Variants in PRH1 observed in about 807,000 individuals in gnomAD.
The protein encoded by PRH1 is proline rich protein HaeIII subfamily 1.
Under a neutral mutation model 7.9 loss-of-function variants are expected in PRH1, and 7 were observed. The ratio of observed to expected loss-of-function variants is 0.89; its 90% CI spans 0.50 to 1.67. PRH1 has a LOEUF of 1.67. Among genes scored for constraint, PRH1 ranks in the 40% most tolerant of loss-of-function variants. The probability of loss-of-function intolerance (pLI) is 0.00; values close to 1 mark genes in which losing one functional copy is unlikely to be tolerated. For missense variants in PRH1, 109 were observed against 223.6 expected (o/e 0.49, Z 3.27); for synonymous variants, 45 against 80.8 (o/e 0.56, Z 2.38).
chr12:11,037,254 T>C (rs1461558487), intron 1 of PRH1, among the ~76,000 whole-genome samples: 1 of 152,238 alleles, frequency 6.6e-6, no homozygotes, highest in Non-Finnish European at 1.5e-5. Flanking sequence ...TTGCAAATGC[T>C]TTTTCCCCTT....
chr12:11,010,561 T>C (rs1941020108), intron 1 of PRH1, among the ~76,000 whole-genome samples: 1 of 151,924 alleles, frequency 6.6e-6, no homozygotes, highest in Non-Finnish European at 1.5e-5. Context: ...CATTCTAAAG[T>C]GTGGTACAAT....
intron 2 of PRH1, among the ~76,000 whole-genome samples, chr12:10,942,131 G>A (rs1054808656): frequency 6.6e-6 from 1 of 152,082 alleles, no homozygotes; most frequent in African/African-American, 2.4e-5. Flanking sequence ...GTGGCAGGGG[G>A]GTGAAATGGA....
At position 11,096,886 on chromosome 12, in the gene PRH1, C is replaced by A. The variant is rs1164470338; in HGVS notation, n.124-49698G>T. Among the ~76,000 whole-genome samples, 3 of 114,122 alleles carry A rather than the reference C, an allele frequency of 2.6e-5. 1 individual carries two copies. The highest frequency in any genetic ancestry group is 6.2e-5 in the Non-Finnish European group (3 of 48,506). The allele number at this position is 114,122 out of a possible 152,430, so 74.9% of individuals were successfully genotyped here. ...GATCTCGGCTCACTGCAAGCTCTGTCCCCGGGGTTCACGCCATTCTCCTGC... is the reference window on the plus strand; with the variant it reads ...GATCTCGGCTCACTGCAAGCTCTGTACCCGGGGTTCACGCCATTCTCCTGC... On this transcript the variant is annotated intron_variant and non_coding_transcript_variant, in intron 1 of 4. Coordinates refer to the PRH1 transcript ENST00000541977.
At position 11,170,266 on chromosome 12, in the gene PRH1, G is replaced by C. The variant is rs547171594; in HGVS notation, n.39+1156C>G. Among the ~76,000 whole-genome samples, 3 of 152,326 alleles carry C rather than the reference G, an allele frequency of 2.0e-5. No individual in the cohort carries two copies. The South Asian group carries it at 6.2e-4, about 32-fold the overall frequency. ...TGGTATTAAGAGTTTGGAAGTACAG[G>C]CCGGGCGCTGTGGCTCACGCCTGTA... On this transcript the variant is annotated intron_variant and non_coding_transcript_variant, in intron 1 of 1. Coordinates refer to the PRH1 transcript ENST00000541175.
In PRH1 at chr12:11,106,200, A is replaced by G. The variant is rs866110834; in HGVS notation, n.124-59012T>C. 9.2e-4 allele frequency among the ~76,000 whole-genome samples: 43 copies of G among 46,882 alleles called. 10 individuals carry two copies. The highest frequency in any genetic ancestry group is 7.2e-3 in the Middle Eastern group (1 of 138). The allele number at this position is 46,882 out of a possible 152,430, so 30.8% of individuals were successfully genotyped here. ...CGTGATCCGCCCGCCTCGGCCTCCC[A>G]AAGTGCTGGGATTACAGGCGTGAGC... On this transcript the variant is annotated intron_variant and non_coding_transcript_variant, in intron 1 of 4. Transcript: ENST00000541977.
At chr12:10,994,620 T>C (rs529213361) in intron 1 of PRH1, among the ~76,000 whole-genome samples, 1 of 151,196 alleles carries the variant, frequency 6.6e-6, no homozygotes, top group African/African-American at 2.4e-5. Flanking sequence ...TGTCATCACT[T>C]TAATATCAGA....
intron 2 of PRH1, chr12:10,929,220 C>T (rs1461274814): frequency 6.2e-7 from 1 of 1,611,778 alleles, no homozygotes; most frequent in East Asian, 2.2e-5. Flanking sequence ...ATAAAGGGAG[C>T]TGACACGTTT....
At chr12:11,033,622 T>C (rs2136107188) in intron 1 of PRH1, among the ~76,000 whole-genome samples, 1 of 152,168 alleles carries the variant, frequency 6.6e-6, no homozygotes, top group South Asian at 2.1e-4. Flanking sequence ...CTAGAAGAAA[T>C]CCTTTGGAAA....
chr12:10,943,702 C>A (rs1434766434), intron 2 of PRH1, among the ~76,000 whole-genome samples: 1 of 150,888 alleles, frequency 6.6e-6, no homozygotes, highest in African/African-American at 2.4e-5. Context: ...TTACAGGTTT[C>A]TTTTTACATT....
Position 11,036,833 on chromosome 12 carries a change from A to C in PRH1, c.-126+10187T>G, listed in dbSNP as rs141116727. On this transcript the variant is annotated intron_variant, in intron 1 of 3. Coordinates refer to the PRH1 transcript ENST00000539853. The stretch of plus-strand genomic sequence containing the variant: ...CACTTCATGATATAGATGAAGATAT[A>C]GACGATGATGATAATGATGATGGCA... Among the ~76,000 whole-genome samples, 3 of 152,366 alleles carry C rather than the reference A, an allele frequency of 2.0e-5. No individual in the cohort carries two copies. In the East Asian group the frequency reaches 5.8e-4, roughly 29 times the overall value.
At chr12:11,156,842 C>A (rs576657993) in intron 1 of PRH1, among the ~76,000 whole-genome samples, 1 of 133,586 alleles carries the variant, frequency 7.5e-6, no homozygotes. Flanking sequence ...AAGAAAACAC[C>A]AATTTTTTTT....
At chr12:11,125,048 G>A (rs1424328143) in intron 1 of PRH1, among the ~76,000 whole-genome samples, 1 of 152,020 alleles carries the variant, frequency 6.6e-6, no homozygotes, top group Non-Finnish European at 1.5e-5. Flanking sequence ...TCACTATATT[G>A]GCCAGGCCAG....
intron 1 of PRH1, among the ~76,000 whole-genome samples, chr12:11,125,506 T>C (rs1425809468): frequency 6.6e-6 from 1 of 152,304 alleles, no homozygotes; most frequent in East Asian, 1.9e-4. Flanking sequence ...GTAGTTATAC[T>C]ACATATGTTT....
chr12:11,032,712 A>G (rs1423456341), intron 1 of PRH1, among the ~76,000 whole-genome samples: 1 of 152,198 alleles, frequency 6.6e-6, no homozygotes, highest in East Asian at 1.9e-4. Flanking sequence ...ATGTTTAAAT[A>G]TTATTATAAA....
chr12:10,994,166 G>A (rs748215856), intron 1 of PRH1, among the ~76,000 whole-genome samples: 1 of 152,110 alleles, frequency 6.6e-6, no homozygotes, highest in Non-Finnish European at 1.5e-5. Context: ...CTATTCCCCT[G>A]GTCAGCACCT....
chr12:11,117,824 A>G (rs1037963278), downstream of PRH1, among the ~76,000 whole-genome samples: 2 of 152,198 alleles, frequency 1.3e-5, no homozygotes, highest in African/African-American at 4.8e-5. Context: ...GGAAAAAGAC[A>G]GTCTCTTCAA....
At chr12:10,972,617 C>CTT (rs1938871364) in intron 2 of PRH1, among the ~76,000 whole-genome samples, 1 of 152,096 alleles carries the variant, frequency 6.6e-6, no homozygotes, top group Non-Finnish European at 1.5e-5. Context: ...TTTTTTCCCT[C>CTT]TTTAACTTCT....
chr12:11,167,393 G>T (rs1947612375), intron 1 of PRH1, among the ~76,000 whole-genome samples: 1 of 128,760 alleles, frequency 7.8e-6, no homozygotes, highest in East Asian at 2.6e-4. Flanking sequence ...AACTCTTCTG[G>T]AGTTCTGCCA....
chr12:10,910,607 C>T (rs113355326), intron 2 of PRH1, among the ~76,000 whole-genome samples: 69 of 152,224 alleles, frequency 4.5e-4, no homozygotes, highest in African/African-American at 1.6e-3. Flanking sequence ...TGCAGATAAG[C>T]GGGGACTAAT....
Sources: allele counts gnomAD v4.1 joint callset (sites outside exome capture counted in the v4.1 genomes callset), GRCh38; gene constraint gnomAD v4.1.1; transcripts MANE v1.5; gene names NCBI Gene and HGNC (gene_info 2026-07-23, HGNC 2026-07-21).